EPB41: variants seen among roughly 807,000 people sequenced by gnomAD.
The protein encoded by EPB41 is protein 4.1.
In EPB41, 65 loss-of-function variants were observed where a neutral mutation model predicts 108.0. The ratio of observed to expected loss-of-function variants is 0.60; its 90% CI spans 0.49 to 0.74. The LOEUF (loss-of-function observed/expected upper bound fraction) is 0.74. Ranked by LOEUF, EPB41 falls within the 30% of genes least tolerant of loss-of-function variation. EPB41 has a pLI of 0.00. For synonymous variants in EPB41, 336 were observed against 358.9 expected, an observed-to-expected ratio of 0.94 and a Z score of 0.72; for missense variants, 875 against 1,037.0, an observed-to-expected ratio of 0.84 and a Z score of 2.15.
intron 6 of EPB41, among the ~76,000 whole-genome samples, chr1:29,017,775 A>G (rs1395670648): frequency 2.0e-5 from 3 of 152,182 alleles, no homozygotes; most frequent in Non-Finnish European, 4.4e-5. Context: ...CGAGCACGCT[A>G]AGCTTCTGAG....
At chr1:29,003,398 C>T (rs2096340661) in intron 4 of EPB41, among the ~76,000 whole-genome samples, 1 of 152,186 alleles carries the variant, frequency 6.6e-6, no homozygotes, top group Non-Finnish European at 1.5e-5. Context: ...TAGCTCCTTG[C>T]CTGCTGCCCC....
intron 1 of EPB41, among the ~76,000 whole-genome samples, chr1:28,967,013 CTTTTTTTTT>C (rs71586876): frequency 1.2e-5 from 1 of 85,368 alleles, no homozygotes; most frequent in Non-Finnish European, 2.1e-5. Flanking sequence ...ATATGAGAAC[CTTTTTTTTT>C]TTTTTTTTTT....
chr1:28,987,784 T>G lies in EPB41; in HGVS notation c.347T>G (p.Ile116Arg), dbSNP rs1433887568. 7 of 1,614,072 alleles carry G rather than the reference T, an allele frequency of 4.3e-6. No homozygotes were observed. The highest frequency in any genetic ancestry group is 1.6e-4 in the Middle Eastern group (1 of 6,062). The change falls in exon 2 of 21, where the codon ATA (isoleucine) becomes AGA (arginine). Residue 116 changes from isoleucine to arginine, a missense_variant. By Grantham distance (97) the Ile-to-Arg change is moderately conservative. Coordinates refer to ENST00000343067, the MANE Select transcript of EPB41 (RefSeq NM_001376013.1). Reference sequence around the variant, plus strand: ...AAAGGTGAAGGAGGTCAGAAAGAGATAGAATTTGGAACCAGTCTTGATGAA... The same window carrying G: ...AAAGGTGAAGGAGGTCAGAAAGAGAGAGAATTTGGAACCAGTCTTGATGAA... ...KEKGEGGQKE[I>R]EFGTSLDEEI...
At chr1:29,097,765 C>T (rs1477519338) in intron 16 of EPB41, 42 bp from the exon 17 acceptor site, 2 of 1,610,368 alleles carry the variant, frequency 1.2e-6, no homozygotes, top group Non-Finnish European at 1.7e-6. Flanking sequence ...TCTCCATTGC[C>T]TTCAGAAATA....
chr1:29,112,555 A>C, intron 19 of EPB41, 107 bp downstream of exon 19: 1 of 866,242 alleles, frequency 1.2e-6, no homozygotes, highest in Non-Finnish European at 2.0e-6. Context: ...CTCTTTGGCC[A>C]CTCTAGCTCT....
At chr1:29,096,943 T>C (rs1471242774) in intron 16 of EPB41, 3 of 152,166 alleles carry the variant, frequency 2.0e-5, no homozygotes, top group East Asian at 1.9e-4. Context: ...TCTGAGACCA[T>C]GCTTAAAAAA....
chr1:28,944,963 C>T (rs188293914), intron 1 of EPB41, among the ~76,000 whole-genome samples: 3 of 151,468 alleles, frequency 2.0e-5, no homozygotes, highest in East Asian at 2.0e-4. Flanking sequence ...TGGTGGTGTG[C>T]GCCTGTAGTT....
At chr1:28,920,446 A>G (rs1483677043) in intron 1 of EPB41, among the ~76,000 whole-genome samples, 2 of 152,198 alleles carry the variant, frequency 1.3e-5, no homozygotes, top group African/African-American at 4.8e-5. Flanking sequence ...TGTTTGAATC[A>G]TAGCACCGGA....
intron 1 of EPB41, among the ~76,000 whole-genome samples, chr1:28,968,205 A>T (rs565493859): frequency 9.9e-5 from 15 of 151,952 alleles, no homozygotes; most frequent in African/African-American, 3.6e-4. Flanking sequence ...AAAAATGCAA[A>T]AATTACCTGG....
intron 6 of EPB41, among the ~76,000 whole-genome samples, chr1:29,017,139 T>G (rs2096588401): frequency 6.6e-6 from 1 of 152,210 alleles, no homozygotes; most frequent in Non-Finnish European, 1.5e-5. Context: ...TCTTTTTCCG[T>G]CTAGGCTTAT....
chr1:29,108,888 GA>G (rs35276284), intron 17 of EPB41, among the ~76,000 whole-genome samples: 102,627 of 132,192 alleles, frequency 0.78, 39,581 homozygotes, highest in Non-Finnish European at 0.85. Context: ...AGGTTACCCT[GA>G]AAAAAAAAAA....
intron 4 of EPB41, among the ~76,000 whole-genome samples, chr1:29,001,029 C>T (rs887656198): frequency 9.2e-5 from 14 of 152,022 alleles, no homozygotes; most frequent in African/African-American, 2.4e-5. Flanking sequence ...TTAGTGATGG[C>T]AGGCCTTCCT....
chr1:28,984,370 A>G (rs1038978873), intron 1 of EPB41, among the ~76,000 whole-genome samples: 1 of 152,192 alleles, frequency 6.6e-6, no homozygotes, highest in African/African-American at 2.4e-5. Flanking sequence ...CTGTATCAAT[A>G]GTGGTTTTAA....
At chr1:28,900,885 T>G (rs1334778992) in intron 1 of EPB41, among the ~76,000 whole-genome samples, 1 of 152,148 alleles carries the variant, frequency 6.6e-6, no homozygotes, top group African/African-American at 2.4e-5. Context: ...TCTTTAAATT[T>G]TTTGTTTAAA....
chr1:29,114,070 A>C (rs1456075699), intron 19 of EPB41, among the ~76,000 whole-genome samples: 1 of 152,152 alleles, frequency 6.6e-6, no homozygotes, highest in Non-Finnish European at 1.5e-5. Context: ...AGACCAGAAG[A>C]GGGTTTTCCT....
intron 15 of EPB41, among the ~76,000 whole-genome samples, chr1:29,063,389 T>C (rs1489669615): frequency 2.6e-5 from 4 of 152,206 alleles, no homozygotes; most frequent in Non-Finnish European, 2.9e-5. Context: ...TAGCTTTCTG[T>C]TTGATCTCAA....
upstream of EPB41, among the ~76,000 whole-genome samples, chr1:28,913,039 A>G (rs916452005): frequency 1.3e-5 from 2 of 152,002 alleles, no homozygotes; most frequent in African/African-American, 4.8e-5. Context: ...GAATGGCATG[A>G]TCCTAGCTCA....
chr1:29,039,043 T>G (rs1211037314), intron 10 of EPB41, among the ~76,000 whole-genome samples: 2 of 152,184 alleles, frequency 1.3e-5, no homozygotes, highest in Non-Finnish European at 2.9e-5. Flanking sequence ...TCTATAGAGC[T>G]ATAAATAAAA....
In EPB41 at chr1:29,054,536, TAAAAAAAAAAAAAAA is replaced by T. The variant is rs147359708; in HGVS notation, c.1845+1235_1845+1249del. On this transcript the variant is annotated intron_variant, in intron 12 of 20. Coordinates refer to ENST00000343067, the MANE Select transcript of EPB41 (RefSeq NM_001376013.1). The stretch of plus-strand genomic sequence containing the variant: ...CAGTCTAACTATGTTTTGATTATAT[TAAAAAAAAAAAAAAA>T]AAAAAAAAAACTGTTAGGCCAGGTG... 8.1e-5 allele frequency: 10 copies of T among 123,960 alleles called. No homozygotes were observed. The South Asian group carries it at 2.5e-3, about 31-fold the overall frequency. The allele number at this position is 123,960 out of a possible 1,614,324, so 7.7% of individuals were successfully genotyped here.
Sources: gnomAD v4.1 joint callset for allele counts (sites outside exome capture counted in the v4.1 genomes callset) on GRCh38, gnomAD v4.1.1 for gene constraint, MANE v1.5 for transcripts, NCBI Gene and HGNC (gene_info 2026-07-23, HGNC 2026-07-21) for gene names.